Variants in ADD3 observed in about 807,000 individuals in gnomAD.
The protein encoded by ADD3 is adducin 3.
Under a neutral mutation model 80.2 loss-of-function variants are expected in ADD3, and 25 were observed. The ratio of observed to expected loss-of-function variants is 0.31; its 90% CI spans 0.23 to 0.44. The LOEUF is 0.44. ADD3 is among the 20% of genes least tolerant of loss of function. The pLI is 1.00. For missense variants in ADD3, 829 were observed against 847.5 expected (o/e 0.98, Z 0.27); for synonymous variants, 284 against 289.6 (o/e 0.98, Z 0.20).
At chr10:110,106,286 A>T (rs1485025051) in intron 2 of ADD3, among the ~76,000 whole-genome samples, 1 of 152,030 alleles carries the variant, frequency 6.6e-6, no homozygotes, top group African/African-American at 2.4e-5. Context: ...CATTACTGAT[A>T]AATGAGCCAA....
At chr10:110,091,385 C>T (rs745834001) in intron 1 of ADD3, among the ~76,000 whole-genome samples, 1 of 152,132 alleles carries the variant, frequency 6.6e-6, no homozygotes, top group Non-Finnish European at 1.5e-5. Context: ...AGTTTTTATA[C>T]TACAAGACTA....
intron 1 of ADD3, among the ~76,000 whole-genome samples, chr10:110,029,636 G>C (rs1487505594): frequency 1.3e-5 from 2 of 152,242 alleles, no homozygotes; most frequent in African/African-American, 4.8e-5. Flanking sequence ...CCTCATCTGT[G>C]GTAATGTTCT....
At chr10:110,090,580 A>G (rs893648604) in intron 1 of ADD3, among the ~76,000 whole-genome samples, 3 of 152,196 alleles carry the variant, frequency 2.0e-5, no homozygotes, top group Admixed American at 6.5e-5. Flanking sequence ...TGTGTGTGTT[A>G]TGACTACATC....
At chr10:110,008,547 G>A (rs1851921475) in intron 1 of ADD3, among the ~76,000 whole-genome samples, 1 of 152,174 alleles carries the variant, frequency 6.6e-6, no homozygotes, top group African/African-American at 2.4e-5. Flanking sequence ...GGGTCCGGGG[G>A]TGGCGGTGCA....
At chr10:110,078,603 G>T (rs1253331903) in intron 1 of ADD3, among the ~76,000 whole-genome samples, 2 of 152,122 alleles carry the variant, frequency 1.3e-5, no homozygotes, top group African/African-American at 4.8e-5. Context: ...GTGGACATTG[G>T]CTACTCAGTG....
At chr10:110,086,921 C>A (rs1846842422) in intron 1 of ADD3, among the ~76,000 whole-genome samples, 1 of 152,168 alleles carries the variant, frequency 6.6e-6, no homozygotes, top group Non-Finnish European at 1.5e-5. Context: ...CTGGCATGAA[C>A]CTGCAAGATG....
chr10:110,055,365 C>T (rs1239775258), intron 1 of ADD3, among the ~76,000 whole-genome samples: 7 of 152,042 alleles, frequency 4.6e-5, no homozygotes, highest in African/African-American at 1.2e-4. Context: ...ACTTCTTGAA[C>T]GTTAATTTGC....
chr10:110,030,771 G>T (rs538037074), intron 1 of ADD3, among the ~76,000 whole-genome samples: 4 of 151,622 alleles, frequency 2.6e-5, no homozygotes, highest in Non-Finnish European at 5.9e-5. Context: ...TTAATATATT[G>T]ATTACATTGG....
intron 1 of ADD3, among the ~76,000 whole-genome samples, chr10:110,009,112 A>C (rs1488441224): frequency 6.6e-6 from 1 of 152,190 alleles, no homozygotes; most frequent in Non-Finnish European, 1.5e-5. Context: ...GCCGGTTGAA[A>C]ATGGGAGCGC....
chr10:110,007,553 A>C (rs1589690977), upstream of ADD3, among the ~76,000 whole-genome samples: 1 of 152,002 alleles, frequency 6.6e-6, no homozygotes, highest in African/African-American at 2.4e-5. Context: ...TCGGGTTTCT[A>C]TCGGGGTCGT....
intron 1 of ADD3, among the ~76,000 whole-genome samples, chr10:110,100,091 A>G (rs976170897): frequency 2.6e-5 from 4 of 152,176 alleles, no homozygotes; most frequent in Admixed American, 2.6e-4. Flanking sequence ...GCTCATGCCT[A>G]TAATCCCAAT....
intron 2 of ADD3, 68 bp from the exon 3 acceptor site, chr10:110,112,709 G>T: frequency 1.3e-6 from 2 of 1,532,024 alleles, no homozygotes; most frequent in Non-Finnish European, 1.8e-6. Flanking sequence ...AAGATTGATT[G>T]TATCGGAACA....
chr10:109,999,028 T>C (rs566113682), intron 1 of ADD3, among the ~76,000 whole-genome samples: 1 of 152,236 alleles, frequency 6.6e-6, no homozygotes, highest in East Asian at 1.9e-4. Context: ...CCCAGAACAG[T>C]GCCTGGCACA....
intron 1 of ADD3, among the ~76,000 whole-genome samples, chr10:110,055,379 G>A (rs1858053470): frequency 6.6e-6 from 1 of 152,148 alleles, no homozygotes; most frequent in Non-Finnish European, 1.5e-5. Flanking sequence ...AATTTGCTGA[G>A]AAATAAGCAT....
chr10:110,027,167 A>G (rs1330932054), intron 1 of ADD3, among the ~76,000 whole-genome samples: 1 of 152,208 alleles, frequency 6.6e-6, no homozygotes, highest in African/African-American at 2.4e-5. Flanking sequence ...TATTACTGTA[A>G]GAATTTGTTT....
chr10:110,119,689 A>T, intron 8 of ADD3, 125 bp downstream of exon 8: 1 of 745,618 alleles, frequency 1.3e-6, no homozygotes, highest in Non-Finnish European at 2.2e-6. Context: ...GTTCTGCTCT[A>T]CTTATGTAGG....
chr10:110,031,031 T>C (rs924973195), intron 1 of ADD3, among the ~76,000 whole-genome samples: 4 of 152,022 alleles, frequency 2.6e-5, no homozygotes, highest in African/African-American at 4.8e-5. Flanking sequence ...ATCCCAGCAC[T>C]TTGGGAGACC....
At chr10:110,114,987 A>T (rs1022544834) in intron 3 of ADD3, among the ~76,000 whole-genome samples, 1 of 150,244 alleles carries the variant, frequency 6.7e-6, no homozygotes, top group Non-Finnish European at 1.5e-5. Flanking sequence ...GCTGAGGTGG[A>T]AGGATTGCCT....
At chr10:110,115,486 G>A (rs907818210) in intron 3 of ADD3, among the ~76,000 whole-genome samples, 1 of 152,092 alleles carries the variant, frequency 6.6e-6, no homozygotes, top group Non-Finnish European at 1.5e-5. Flanking sequence ...ATAACAATAG[G>A]GAGGCTCAAG....
Sources: allele counts gnomAD v4.1 joint callset (sites outside exome capture counted in the v4.1 genomes callset), GRCh38; gene constraint gnomAD v4.1.1; transcripts MANE v1.5; gene names NCBI Gene and HGNC (gene_info 2026-07-23, HGNC 2026-07-21).